CTNNA2: variants seen among roughly 807,000 people sequenced by gnomAD.
The protein encoded by CTNNA2 is catenin alpha 2.
Under a neutral mutation model 101.0 loss-of-function variants are expected in CTNNA2, and 42 were observed. The observed-to-expected ratio is 0.42, with a 90% CI of 0.32 to 0.54. The LOEUF is 0.54. Ranked by LOEUF, CTNNA2 falls within the 20% of genes least tolerant of loss-of-function variation. The probability of loss-of-function intolerance (pLI) is 0.14; values close to 1 mark genes in which losing one functional copy is unlikely to be tolerated. For missense variants in CTNNA2, 871 were observed against 1,223.1 expected (o/e 0.71, Z 4.29); for synonymous variants, 450 against 456.4 (o/e 0.99, Z 0.18).
intron 9 of CTNNA2, among the ~76,000 whole-genome samples, chr2:80,420,910 C>T (rs1365227495): frequency 6.6e-6 from 1 of 152,200 alleles, no homozygotes; most frequent in Non-Finnish European, 1.5e-5. Flanking sequence ...AAATACCAGC[C>T]TAGAGCTAAA....
At chr2:79,535,155 T>A (rs1354905514) in intron 1 of CTNNA2, among the ~76,000 whole-genome samples, 1 of 152,090 alleles carries the variant, frequency 6.6e-6, no homozygotes, top group Non-Finnish European at 1.5e-5. Flanking sequence ...TGAGCTCTTA[T>A]CAGTCAATAA....
intron 7 of CTNNA2, among the ~76,000 whole-genome samples, chr2:80,188,872 G>T (rs1706291226): frequency 6.6e-6 from 1 of 151,570 alleles, no homozygotes; most frequent in African/African-American, 2.4e-5. Flanking sequence ...GGATATCTTT[G>T]GGGGAGTGCC....
intron 2 of CTNNA2, among the ~76,000 whole-genome samples, chr2:79,220,881 A>C (rs746018712): frequency 6.6e-6 from 1 of 152,212 alleles, no homozygotes; most frequent in Non-Finnish European, 1.5e-5. Flanking sequence ...CACATTGTTA[A>C]TCTTTCTCAA....
intron 2 of CTNNA2, among the ~76,000 whole-genome samples, chr2:79,251,601 G>A (rs1047614988): frequency 3.3e-5 from 5 of 152,146 alleles, no homozygotes; most frequent in South Asian, 2.1e-4. Context: ...CCTCACTCTC[G>A]GGGAAGCCAG....
intron 2 of CTNNA2, among the ~76,000 whole-genome samples, chr2:79,719,772 C>G (rs374399986): frequency 1.3e-5 from 2 of 151,998 alleles, no homozygotes; most frequent in East Asian, 3.9e-4. Context: ...GTTTAACTTC[C>G]TTATGTATTC....
chr2:79,712,857 A>T (rs1490134673), intron 2 of CTNNA2, among the ~76,000 whole-genome samples: 1 of 152,230 alleles, frequency 6.6e-6, no homozygotes, highest in Non-Finnish European at 1.5e-5. Flanking sequence ...GATAATATTT[A>T]AGATCTAATG....
intron 13 of CTNNA2, among the ~76,000 whole-genome samples, chr2:80,579,682 G>T (rs1048778382): frequency 5.3e-5 from 8 of 152,158 alleles, no homozygotes; most frequent in African/African-American, 1.9e-4. Context: ...ATGTTAATAA[G>T]GTTGATGGTG....
chr2:80,064,883 A>C (rs1017860873), intron 7 of CTNNA2, among the ~76,000 whole-genome samples: 6 of 152,246 alleles, frequency 3.9e-5, no homozygotes, highest in African/African-American at 1.4e-4. Flanking sequence ...ATTGAGAGGA[A>C]TAGCAGGATT....
intron 1 of CTNNA2, among the ~76,000 whole-genome samples, chr2:79,588,084 A>T (rs1304114968): frequency 6.6e-6 from 1 of 152,202 alleles, no homozygotes; most frequent in African/African-American, 2.4e-5. Flanking sequence ...GGGCAGGAAG[A>T]TTGTTTCAGG....
intron 11 of CTNNA2, among the ~76,000 whole-genome samples, chr2:80,554,652 A>T (rs1692867581): frequency 6.6e-6 from 1 of 152,170 alleles, no homozygotes; most frequent in African/African-American, 2.4e-5. Context: ...TGCCCTCATA[A>T]CACAATCACC....
intron 2 of CTNNA2, among the ~76,000 whole-genome samples, chr2:79,294,105 T>A (rs900148565): frequency 1.3e-5 from 2 of 151,844 alleles, no homozygotes; most frequent in East Asian, 3.9e-4. Flanking sequence ...AAGTCCAAGA[T>A]TAAGGTGCCA....
At chr2:79,931,696 G>T (rs1048590835) in intron 7 of CTNNA2, among the ~76,000 whole-genome samples, 2 of 152,116 alleles carry the variant, frequency 1.3e-5, no homozygotes, top group African/African-American at 2.4e-5. Context: ...TTTCATCCCA[G>T]ATAGTCTGGG....
chr2:80,389,334 A>G lies in CTNNA2; in HGVS notation c.1057-3877A>G, dbSNP rs568650547. 1.6e-4 allele frequency among the ~76,000 whole-genome samples: 24 copies of G among 152,270 alleles called. No individual in the cohort carries two copies. The South Asian group carries it at 2.5e-3, about 16-fold the overall frequency. ...ATGACAAAACTCAGACTTTTAAAAAAAAATGGGGTAAATGGTTAGTCAAGG... is the reference window on the plus strand; with the variant it reads ...ATGACAAAACTCAGACTTTTAAAAAGAAATGGGGTAAATGGTTAGTCAAGG... On this transcript the variant is annotated intron_variant, in intron 7 of 18. Coordinates refer to ENST00000402739, the MANE Select transcript of CTNNA2 (RefSeq NM_001282597.3).
chr2:79,728,694 T>C (rs979932355), intron 2 of CTNNA2, among the ~76,000 whole-genome samples: 1 of 152,094 alleles, frequency 6.6e-6, no homozygotes, highest in Non-Finnish European at 1.5e-5. Context: ...TCTTATAGGG[T>C]TTTTGTGGTT....
chr2:79,635,830 A>G (rs142955886), intron 1 of CTNNA2, among the ~76,000 whole-genome samples: 19 of 151,992 alleles, frequency 1.3e-4, no homozygotes, highest in African/African-American at 4.6e-4. Flanking sequence ...ATTCATTGAC[A>G]TATGACCATA....
At chr2:79,423,542 T>G (rs1573159293) in intron 4 of CTNNA2, among the ~76,000 whole-genome samples, 1 of 152,326 alleles carries the variant, frequency 6.6e-6, no homozygotes, top group Non-Finnish European at 1.5e-5. Flanking sequence ...TTTAAAGAAC[T>G]CCTCTCTAGG....
intron 11 of CTNNA2, among the ~76,000 whole-genome samples, chr2:80,549,067 G>C (rs993782616): frequency 6.6e-6 from 1 of 152,110 alleles, no homozygotes; most frequent in Admixed American, 6.5e-5. Flanking sequence ...GAGCAATGAT[G>C]CTAGCTATTA....
At chr2:79,931,745 G>C (rs1687457620) in intron 7 of CTNNA2, among the ~76,000 whole-genome samples, 1 of 152,084 alleles carries the variant, frequency 6.6e-6, no homozygotes, top group African/African-American at 2.4e-5. Flanking sequence ...TACCCTAAAA[G>C]GGGAGAGAGG....
At position 80,648,485 on chromosome 2, in the gene CTNNA2, T is replaced by TAATGTTTA. The variant is rs1204182931; in HGVS notation, c.*613_*614insAATGTTTA. The TAATGTTTA allele has an allele frequency of 3.9e-5, 6 of 152,660 alleles. No homozygotes were observed. The East Asian group carries it at 1.2e-3, about 29-fold the overall frequency. The allele number at this position is 152,660 out of a possible 1,614,324, so 9.5% of individuals were successfully genotyped here. On this transcript the variant is annotated 3_prime_UTR_variant, in exon 19 of 19. Coordinates refer to ENST00000402739, the MANE Select transcript of CTNNA2 (RefSeq NM_001282597.3). ...CTTCTAGTTGTGCCATTACTAGTGA[T>TAATGTTTA]CATGTTTTTTTCCCCCCTTTAATGA...
Sources: gnomAD v4.1 joint callset for allele counts (sites outside exome capture counted in the v4.1 genomes callset) on GRCh38, gnomAD v4.1.1 for gene constraint, MANE v1.5 for transcripts, NCBI Gene and HGNC (gene_info 2026-07-23, HGNC 2026-07-21) for gene names.